ERBB4: variants seen among roughly 807,000 people sequenced by gnomAD.
The protein encoded by ERBB4 is receptor tyrosine-protein kinase erbB-4.
A neutral mutation model predicts 158.0 loss-of-function variants in ERBB4; 42 were observed. The observed-to-expected ratio is 0.27, with a 90% CI of 0.21 to 0.34. The LOEUF is 0.34. ERBB4 is among the 10% of genes least tolerant of loss of function. The pLI is 1.00. For missense variants in ERBB4, 1,333 were observed against 1,624.1 expected, an observed-to-expected ratio of 0.82 and a Z score of 3.08; for synonymous variants, 583 against 558.7, an observed-to-expected ratio of 1.04 and a Z score of -0.61.
intron 1 of ERBB4, among the ~76,000 whole-genome samples, chr2:212,509,256 G>C (rs926442520): frequency 2.6e-5 from 4 of 152,064 alleles, no homozygotes; most frequent in Non-Finnish European, 4.4e-5. Context: ...AAATATGTGA[G>C]AGTAAATGAG....
At chr2:212,104,971 G>A (rs536397991) in intron 2 of ERBB4, among the ~76,000 whole-genome samples, 2 of 152,074 alleles carry the variant, frequency 1.3e-5, no homozygotes, top group African/African-American at 4.8e-5. Context: ...ATTTGCCCAA[G>A]GTCAAATAAG....
At chr2:212,020,991 G>GATTAC (rs2076636749) in intron 2 of ERBB4, among the ~76,000 whole-genome samples, 1 of 151,888 alleles carries the variant, frequency 6.6e-6, no homozygotes, top group Non-Finnish European at 1.5e-5. Flanking sequence ...TGTATTTATG[G>GATTAC]ATTACATAGA....
chr2:211,643,856 G>A (rs2070692287), intron 16 of ERBB4, among the ~76,000 whole-genome samples: 1 of 151,982 alleles, frequency 6.6e-6, no homozygotes, highest in Non-Finnish European at 1.5e-5. Flanking sequence ...GGAATTATAT[G>A]TGCTGTAATA....
rs942982321 is a variant in ERBB4 at position 211,694,554 on chromosome 2, T to C, written c.1489+7413A>G. On this transcript the variant is annotated intron_variant, in intron 12 of 27. Transcript: ENST00000342788. ...TTCAAATACAATAACAAAATCTTAC[T>C]TGAATGCTTTTTTTTTTTTACAAAG... is the stretch of plus-strand genomic sequence containing the variant. Among the ~76,000 whole-genome samples the C allele has an allele frequency of 2.7e-5, 3 of 112,008 alleles. No individual in the cohort carries two copies. In the Admixed American group the frequency reaches 3.0e-4, roughly 11 times the overall value. 73.5% of individuals were successfully genotyped at this position (112,008 alleles called of 152,430 possible). A position where few individuals can be genotyped will look rare whatever the true frequency, so the allele number is the denominator to read the frequency against.
At chr2:211,792,775 G>C (rs927769643) in intron 3 of ERBB4, among the ~76,000 whole-genome samples, 2 of 151,818 alleles carry the variant, frequency 1.3e-5, no homozygotes, top group African/African-American at 4.8e-5. Flanking sequence ...CTCCACAAAG[G>C]TTAACCATTG....
chr2:211,717,752 G>A (rs13398104), intron 7 of ERBB4, among the ~76,000 whole-genome samples: 3 of 152,164 alleles, frequency 2.0e-5, no homozygotes, highest in East Asian at 2.0e-4. Flanking sequence ...GCTTGAACCC[G>A]GGAGGCGGAG....
Position 211,802,115 on chromosome 2 carries a change from C to T in ERBB4, c.422-13956G>A, listed in dbSNP as rs531775468. ...TCTACTAAAAATACAAAAAATTAGCCGGGTGCGGTGGCGGGCACCTGTAGT... is the reference window on the plus strand; with the variant it reads ...TCTACTAAAAATACAAAAAATTAGCTGGGTGCGGTGGCGGGCACCTGTAGT... On this transcript the variant is annotated intron_variant, in intron 3 of 27. Coordinates refer to ENST00000342788, the MANE Select transcript of ERBB4 (RefSeq NM_005235.3). 3.1e-4 allele frequency among the ~76,000 whole-genome samples: 47 copies of T among 152,094 alleles called. 2 individuals are homozygous for T. The South Asian group carries it at 8.5e-3, about 28-fold the overall frequency.
At chr2:211,549,293 G>T (rs1376733079) in intron 20 of ERBB4, among the ~76,000 whole-genome samples, 1 of 152,008 alleles carries the variant, frequency 6.6e-6, no homozygotes, top group Non-Finnish European at 1.5e-5. Flanking sequence ...TGGGAACATA[G>T]AAAAGGCAGA....
chr2:211,794,329 G>A (rs1575157600), intron 3 of ERBB4, among the ~76,000 whole-genome samples: 1 of 151,712 alleles, frequency 6.6e-6, no homozygotes, highest in East Asian at 1.9e-4. Context: ...GATTACCCGA[G>A]CCACTTATCT....
intron 1 of ERBB4, among the ~76,000 whole-genome samples, chr2:212,385,474 C>T (rs557836983): frequency 3.3e-5 from 5 of 151,800 alleles, no homozygotes; most frequent in African/African-American, 1.2e-4. Context: ...AAGATTAAAA[C>T]AAGCCCATAC....
intron 2 of ERBB4, among the ~76,000 whole-genome samples, chr2:212,122,576 C>T (rs1348623346): frequency 6.6e-6 from 1 of 151,984 alleles, no homozygotes; most frequent in Non-Finnish European, 1.5e-5. Context: ...GAAATCTTGA[C>T]CCTCCTTATC....
intron 1 of ERBB4, among the ~76,000 whole-genome samples, chr2:212,396,078 C>T (rs1484104709): frequency 6.6e-6 from 1 of 151,988 alleles, no homozygotes; most frequent in Non-Finnish European, 1.5e-5. Context: ...AGATATTCTG[C>T]CAAAAATTCT....
At chr2:212,481,713 T>A (rs2106161801) in intron 1 of ERBB4, among the ~76,000 whole-genome samples, 1 of 152,308 alleles carries the variant, frequency 6.6e-6, no homozygotes, top group South Asian at 2.1e-4. Context: ...TTGGAAAATG[T>A]CTTCAGCAGC....
intron 3 of ERBB4, among the ~76,000 whole-genome samples, chr2:211,909,461 A>G (rs1241623331): frequency 6.6e-6 from 1 of 151,802 alleles, no homozygotes; most frequent in Non-Finnish European, 1.5e-5. Flanking sequence ...CCTATTACAC[A>G]CTTAGGAGAA....
intron 1 of ERBB4, among the ~76,000 whole-genome samples, chr2:212,204,323 T>C (rs1248366108): frequency 2.6e-5 from 4 of 152,222 alleles, no homozygotes; most frequent in South Asian, 2.1e-4. Flanking sequence ...TATTATTTTG[T>C]TTTAAACTTA....
intron 3 of ERBB4, among the ~76,000 whole-genome samples, chr2:211,842,517 C>CTATATTGCAACAT (rs2077495654): frequency 7.1e-6 from 1 of 141,330 alleles, no homozygotes. Context: ...TTCAATGTAC[C>CTATATTGCAACAT]TATATTGCAA....
Position 211,395,764 on chromosome 2 carries a change from C to T in ERBB4, c.3136-7772G>A, listed in dbSNP as rs185456679. 1.4e-3 allele frequency among the ~76,000 whole-genome samples: 210 copies of T among 151,920 alleles called. 1 individual carries two copies. The highest frequency in any genetic ancestry group is 0.01 in the Middle Eastern group (3 of 292). On this transcript the variant is annotated intron_variant, in intron 25 of 27. Transcript: ENST00000342788. ...GTACTTTGTCTACAAAACAGGTTGCCCTTCACAGAGAAGAGATATGTTATC... is the reference window on the plus strand; with the variant it reads ...GTACTTTGTCTACAAAACAGGTTGCTCTTCACAGAGAAGAGATATGTTATC...
intron 7 of ERBB4, among the ~76,000 whole-genome samples, chr2:211,714,169 T>C (rs753668833): frequency 1.3e-5 from 2 of 152,156 alleles, no homozygotes; most frequent in African/African-American, 2.4e-5. Context: ...TTGGAAAGGG[T>C]AGTACTTTGG....
intron 1 of ERBB4, among the ~76,000 whole-genome samples, chr2:212,175,068 G>A (rs752740588): frequency 3.9e-5 from 6 of 151,996 alleles, no homozygotes; most frequent in South Asian, 2.1e-4. Flanking sequence ...TTGTCTGAAC[G>A]TTTCTTATTC....
Sources: allele counts gnomAD v4.1 joint callset (sites outside exome capture counted in the v4.1 genomes callset), GRCh38; gene constraint gnomAD v4.1.1; transcripts MANE v1.5; gene names NCBI Gene and HGNC (gene_info 2026-07-23, HGNC 2026-07-21).